MSH5: variants seen among roughly 807,000 people sequenced by gnomAD.
MSH5 encodes mutS protein homolog 5.
Under a neutral mutation model 107.7 loss-of-function variants are expected in MSH5, and 78 were observed. That is an observed-to-expected ratio of 0.72 (90% CI 0.60 to 0.87). MSH5 has a LOEUF of 0.87. Ranked by LOEUF, MSH5 falls within the 40% of genes least tolerant of loss-of-function variation. The pLI is 0.00. For missense variants in MSH5, 889 were observed against 1,046.6 expected (o/e 0.85, Z 2.08); for synonymous variants, 326 against 399.5 (o/e 0.82, Z 2.19).
At chr6:31,754,157 CT>C (rs1296479937) in intron 12 of MSH5, 91 of 140,420 alleles carry the variant, frequency 6.5e-4, no homozygotes, top group Admixed American at 9.9e-4. Flanking sequence ...ATTTCTTTTT[CT>C]TTTTTTTTTT....
rs1417377878 is a variant in MSH5 at position 31,758,654 on chromosome 6, T to C, written c.1216+34T>C. ...TGGGTGTGGATGGGCCTGTGAGCCC[T>C]GCGCAGTGATGGAGTACCATCCTTG... is the stretch of plus-strand genomic sequence containing the variant. On this transcript the variant is annotated intron_variant, in intron 14 of 24. Coordinates refer to ENST00000375750, the MANE Select transcript of MSH5 (RefSeq NM_172166.4). The surrounding 1 kb of genome is among the most constrained non-coding windows in gnomAD (Gnocchi z 5.1). The C allele has an allele frequency of 6.2e-7, 1 of 1,612,338 alleles. No individual in the cohort carries two copies. Among genetic ancestry groups the C allele is most frequent in the Non-Finnish European group, 8.5e-7 (1 of 1,178,634 alleles).
rs1810175590 is a variant in MSH5 at position 31,753,638 on chromosome 6, T to G, written c.1014+9T>G. 6.2e-7 allele frequency: 1 copy of G among 1,613,936 alleles called. No homozygotes were observed. The highest frequency in any genetic ancestry group is 8.5e-7 in the Non-Finnish European group (1 of 1,179,866). On this transcript the variant is annotated intron_variant, in intron 12 of 24. Coordinates refer to ENST00000375750, the MANE Select transcript of MSH5 (RefSeq NM_172166.4). ...GGCAGGTTCTCTACAAGGTAAGGCC[T>G]TCCTTCTTGAATCCCAAAAGTCCAG...
chr6:31,748,344 C>CTTT (rs36029092), intron 10 of MSH5, among the ~76,000 whole-genome samples: 83 of 126,542 alleles, frequency 6.6e-4, no homozygotes, highest in East Asian at 2.0e-3. Flanking sequence ...CATGTCACTC[C>CTTT]TTTTTTTTTT....
Position 31,761,771 on chromosome 6 carries a change from C to T in MSH5, c.2182-47C>T, listed in dbSNP as rs1188401782. 4 of 1,613,080 alleles carry T rather than the reference C, an allele frequency of 2.5e-6. No individual in the cohort carries two copies. The highest frequency in any genetic ancestry group is 1.7e-5 in the Admixed American group (1 of 60,032). On this transcript the variant is annotated intron_variant, in intron 22 of 24. Coordinates refer to ENST00000375750, the MANE Select transcript of MSH5 (RefSeq NM_172166.4). This position sits in a 1 kb window ranked among gnomAD's most constrained non-coding sequence, Gnocchi z 5.3. ...ACAGGATTGGCCAAGGGTTTCAGGACAGGAAGGAGGTGATTGATGATACAC... is the reference window on the plus strand; with the variant it reads ...ACAGGATTGGCCAAGGGTTTCAGGATAGGAAGGAGGTGATTGATGATACAC...
At chr6:31,742,528 G>A (rs571607041) in intron 3 of MSH5, among the ~76,000 whole-genome samples, 20 of 152,214 alleles carry the variant, frequency 1.3e-4, no homozygotes, top group Non-Finnish European at 2.6e-4. Context: ...AAAGGGCAGG[G>A]ATTATAGGCA....
At chr6:31,752,859 G>A (rs1810090621) in intron 10 of MSH5, among the ~76,000 whole-genome samples, 1 of 152,128 alleles carries the variant, frequency 6.6e-6, no homozygotes, top group African/African-American at 2.4e-5. Flanking sequence ...GTTTTCACAG[G>A]AAGAATATGA....
Position 31,759,714 on chromosome 6 carries a change from C to A in MSH5, c.1496-72C>A, listed in dbSNP as rs1810791180. 6.5e-7 allele frequency: 1 copy of A among 1,549,624 alleles called. No individual in the cohort carries two copies. Among genetic ancestry groups the A allele is most frequent in the South Asian group, 1.2e-5 (1 of 86,712 alleles). On this transcript the variant is annotated intron_variant, in intron 17 of 24. Coordinates refer to ENST00000375750, the MANE Select transcript of MSH5 (RefSeq NM_172166.4). This position sits in a 1 kb window ranked among gnomAD's most constrained non-coding sequence, Gnocchi z 4.7. The stretch of plus-strand genomic sequence containing the variant: ...TATCTGCAACCTGTTTCCAGATCCC[C>A]CTAGGGGCCTCTGCCTCTCCTTCAC...
At chr6:31,757,832 G>GT in intron 12 of MSH5, 1 of 390,584 alleles carries the variant, frequency 2.6e-6, no homozygotes, top group Non-Finnish European at 4.6e-6. Context: ...ACCAAGCCCA[G>GT]TTAATTTTTG....
chr6:31,740,148 G>A lies in MSH5; in HGVS notation c.-14+86G>A, dbSNP rs1444080615. Reference sequence around the variant, plus strand: ...GCGTGAGGCTGGGGTCCTGGCGCGTGGTTGGCAGAGGCAGAGACATAAGAC... The same window carrying A: ...GCGTGAGGCTGGGGTCCTGGCGCGTAGTTGGCAGAGGCAGAGACATAAGAC... On this transcript the variant is annotated intron_variant, in intron 1 of 24. Coordinates refer to ENST00000375750, the MANE Select transcript of MSH5 (RefSeq NM_172166.4). The surrounding 1 kb of genome is among the most constrained non-coding windows in gnomAD (Gnocchi z 4.4). 1 of 271,810 alleles carries A rather than the reference G, an allele frequency of 3.7e-6. No individual in the cohort carries two copies. The highest frequency in any genetic ancestry group is 6.9e-6 in the Non-Finnish European group (1 of 145,188). The allele number at this position is 271,810 out of a possible 1,614,324, so 16.8% of individuals were successfully genotyped here. A position where few individuals can be genotyped will look rare whatever the true frequency, so the allele number is the denominator to read the frequency against.
At chr6:31,755,337 C>CATTTATTTATTT (rs60849631) in intron 12 of MSH5, among the ~76,000 whole-genome samples, 2,141 of 145,004 alleles carry the variant, frequency 0.015, 20 homozygotes, top group East Asian at 0.029. Flanking sequence ...TTTTTGCTTG[C>CATTTATTTATTT]ATTTATTTAT....
intron 12 of MSH5, among the ~76,000 whole-genome samples, chr6:31,755,525 G>C (rs753425680): frequency 2.2e-4 from 34 of 152,130 alleles, no homozygotes; most frequent in Non-Finnish European, 4.0e-4. Flanking sequence ...ACCACGCCCA[G>C]CTAATTTTGT....
chr6:31,742,207 T>G (rs1808978874), intron 3 of MSH5, among the ~76,000 whole-genome samples: 1 of 152,256 alleles, frequency 6.6e-6, no homozygotes, highest in African/African-American at 2.4e-5. Flanking sequence ...TTTGTTTTTA[T>G]GAATTCATTT....
rs878908709 is a variant in MSH5, at chr6:31,741,362, CACACACACACACACACACACAT to C, written c.271+78_271+99del. The C allele has an allele frequency of 9.7e-3, 13,355 of 1,370,340 alleles. 119 individuals carry two copies. The highest frequency in any genetic ancestry group is 0.034 in the South Asian group (2,565 of 75,202). 84.9% of individuals were successfully genotyped at this position (1,370,340 alleles called of 1,614,324 possible). A position where few individuals can be genotyped will look rare whatever the true frequency, so the allele number is the denominator to read the frequency against. On this transcript the variant is annotated intron_variant, in intron 3 of 24. Coordinates refer to ENST00000375750, the MANE Select transcript of MSH5 (RefSeq NM_172166.4). ...ACACACACACACACACACACACACACACACACACACACACACACACATATTTTTTTTTTCTAGACAGAGTCTT... is the reference window on the plus strand; with the variant it reads ...ACACACACACACACACACACACACACATTTTTTTTTTCTAGACAGAGTCTT...
chr6:31,744,144 A>G (rs767598791), intron 6 of MSH5, 46 bp from the exon 7 acceptor site: 1 of 1,596,020 alleles, frequency 6.3e-7, no homozygotes, highest in Admixed American at 1.7e-5. Flanking sequence ...TGCAGCCCCC[A>G]GGAGATTTAA....
In MSH5 at chr6:31,761,237, A is replaced by G. The variant is rs1302365717; in HGVS notation, c.2012A>G (p.Asp671Gly). The G allele has an allele frequency of 6.2e-7, 1 of 1,613,924 alleles. No individual in the cohort carries two copies. Among genetic ancestry groups the G allele is most frequent in the Admixed American group, 1.7e-5 (1 of 60,018 alleles). ...ACTGCACAGTCGCTGGTCCTTATTG[A>G]TGAATTTGGAAAGGGAACCAACACG... The part of the protein sequence containing the change: ...NATAQSLVLI[D>G]EFGKGTNTVD... Residue 671 changes from aspartate (D) to glycine (G), a missense_variant, in exon 21 of 25, where the codon GAT (aspartate) becomes GGT (glycine). Physicochemically the swap from Asp to Gly is moderately conservative, Grantham distance 94. Around this residue, in one of 3 missense-constraint regions of MSH5, gnomAD observed 362 missense variants for 456.2 expected, o/e 0.79. Transcript: ENST00000375750. The surrounding 1 kb of genome is among the most constrained non-coding windows in gnomAD (Gnocchi z 5.3).
chr6:31,759,515 G>T lies in MSH5; in HGVS notation c.1495+3G>T. ...GGACCTGCACTGCGAGATCCGGGGT[G>T]AGGAAAAGCCAGAGGTTATATGCAT... On this transcript the variant is annotated splice_donor_region_variant and intron_variant, in intron 17 of 24. Transcript: ENST00000375750. This position sits in a 1 kb window ranked among gnomAD's most constrained non-coding sequence, Gnocchi z 4.7. 1 of 1,612,486 alleles carries T rather than the reference G, an allele frequency of 6.2e-7. No individual in the cohort carries two copies. Among genetic ancestry groups the T allele is most frequent in the Non-Finnish European group, 8.5e-7 (1 of 1,180,020 alleles).
Position 31,761,559 on chromosome 6 carries a change from T to A in MSH5, c.2125T>A (p.Phe709Ile), listed in dbSNP as rs931839218. The change falls in exon 22 of 25, where the codon TTT becomes ATT. Residue 709 changes from phenylalanine (F) to isoleucine (I), a missense_variant. This residue lies in a region of MSH5 where 362 missense variants were observed against 456.2 expected (regional missense o/e 0.79). Coordinates refer to ENST00000375750, the MANE Select transcript of MSH5 (RefSeq NM_172166.4). The surrounding 1 kb of genome is among the most constrained non-coding windows in gnomAD (Gnocchi z 5.3). ...CCCCCACATCTTTGTGGCCACCAACTTTCTGAGCCTTGTTCAGCTACAACT... is the reference window on the plus strand; with the variant it reads ...CCCCCACATCTTTGTGGCCACCAACATTCTGAGCCTTGTTCAGCTACAACT... ...TCPHIFVATNFLSLVQLQLLP... is the reference protein window; with the variant it reads ...TCPHIFVATNILSLVQLQLLP... The A allele has an allele frequency of 6.2e-7, 1 of 1,613,880 alleles. No homozygotes were observed. The highest frequency in any genetic ancestry group is 8.5e-7 in the Non-Finnish European group (1 of 1,180,052).
rs1461390514 is a variant in MSH5 at position 31,761,940 on chromosome 6, G to C, written c.2304G>C (p.Val768=). 2 of 1,613,704 alleles carry C rather than the reference G, an allele frequency of 1.2e-6. No individual in the cohort carries two copies. Among genetic ancestry groups the C allele is most frequent in the Admixed American group, 3.3e-5 (2 of 60,020 alleles). ...AGGCTGGGCTTCCTGACAAGCTTGTGGCTCGTGGCAAGGAGGTGATGAGAT... is the reference window on the plus strand; with the variant it reads ...AGGCTGGGCTTCCTGACAAGCTTGTCGCTCGTGGCAAGGAGGTGATGAGAT... ...AAQAGLPDKL[V]ARGKEVSDLI... Residue 768 remains valine, a synonymous_variant, in exon 23 of 25, where the codon GTG becomes GTC. Transcript: ENST00000375750. The surrounding 1 kb of genome is among the most constrained non-coding windows in gnomAD (Gnocchi z 5.3).
At chr6:31,743,874 C>CCGTT in intron 5 of MSH5, 30 bp from the exon 6 acceptor site, 2 of 1,610,590 alleles carry the variant, frequency 1.2e-6, no homozygotes, top group Non-Finnish European at 1.7e-6. Context: ...AGCTACAAGA[C>CCGTT]CGTTCCCTTT....
Sources: allele counts gnomAD v4.1 joint callset (sites outside exome capture counted in the v4.1 genomes callset), GRCh38; gene constraint gnomAD v4.1.1; regional missense constraint gnomAD v4.1.1; non-coding constraint Gnocchi (gnomAD v3.1); transcripts MANE v1.5; gene names NCBI Gene and HGNC (gene_info 2026-07-23, HGNC 2026-07-21).